The following SLC25A43 variants were observed in gnomAD, a reference collection of about 807,000 sequenced individuals.
SLC25A43 encodes the protein solute carrier family 25 member 43, also known as solute carrier family 25, member 43.
A neutral mutation model predicts 22.8 loss-of-function variants in SLC25A43; 10 were observed. The ratio of observed to expected loss-of-function variants is 0.44; its 90% CI spans 0.27 to 0.74. The LOEUF (loss-of-function observed/expected upper bound fraction) is 0.74. Among genes scored for constraint, SLC25A43 ranks in the 30% least tolerant of loss-of-function variants. The pLI, the probability that SLC25A43 is intolerant of heterozygous loss-of-function variation, is 0.17. For missense variants in SLC25A43, 233 were observed against 279.1 expected, an observed-to-expected ratio of 0.83 and a Z score of 1.18; for synonymous variants, 106 against 121.6, an observed-to-expected ratio of 0.87 and a Z score of 0.84.
intron 3 of SLC25A43, among the ~76,000 whole-genome samples, chrX:119,424,748 A>T (rs1263273565): frequency 8.8e-6 from 1 of 113,130 alleles, no homozygotes; most frequent in Non-Finnish European, 1.9e-5. Context: ...TGTATTTCTC[A>T]CCGTTCTGGA....
At chrX:119,432,814 AAG>A (rs2052565261) in intron 3 of SLC25A43, among the ~76,000 whole-genome samples, 1 of 106,117 alleles carries the variant, frequency 9.4e-6, no homozygotes, top group African/African-American at 3.5e-5. Flanking sequence ...AACTTTTTAA[AAG>A]AGGTAAAGTT....
intron 3 of SLC25A43, chrX:119,426,314 C>A: frequency 1.6e-6 from 1 of 635,773 alleles, no homozygotes; most frequent in Non-Finnish European, 1.9e-6. Flanking sequence ...GTGTACACCA[C>A]ATAACCCATC....
intron 1 of SLC25A43, among the ~76,000 whole-genome samples, chrX:119,402,169 G>C (rs6645563): frequency 0.024 from 2,722 of 111,663 alleles, 75 homozygotes; most frequent in African/African-American, 0.079. Flanking sequence ...TTGGCTGGGG[G>C]CCTGTGATCA....
intron 3 of SLC25A43, among the ~76,000 whole-genome samples, chrX:119,430,148 T>C (rs1354536217): frequency 8.9e-6 from 1 of 111,864 alleles, no homozygotes; most frequent in Non-Finnish European, 1.9e-5. Flanking sequence ...ACAAGCTGCG[T>C]GACATGTTTC....
At chrX:119,406,002 A>G (rs1409362189) in intron 1 of SLC25A43, among the ~76,000 whole-genome samples, 1 of 111,528 alleles carries the variant, frequency 9.0e-6, no homozygotes, top group Non-Finnish European at 1.9e-5. Flanking sequence ...ACTGCACTCC[A>G]GCCTGGCCAA....
intron 3 of SLC25A43, among the ~76,000 whole-genome samples, chrX:119,427,096 C>G (rs2052512991): frequency 9.0e-6 from 1 of 110,985 alleles, no homozygotes; most frequent in Non-Finnish European, 1.9e-5. Context: ...CCTCCCCACC[C>G]TATCTCACCC....
intron 1 of SLC25A43, among the ~76,000 whole-genome samples, chrX:119,401,066 T>G (rs755967659): frequency 9.0e-6 from 1 of 111,398 alleles, no homozygotes; most frequent in Non-Finnish European, 1.9e-5. Context: ...TATATGCACA[T>G]TAGATTTTTT....
In SLC25A43 at chrX:119,452,092, G is replaced by A. The variant is rs1426434305; in HGVS notation, c.774G>A (p.Lys258=). 8.3e-7 allele frequency: 1 copy of A among 1,208,555 alleles called. No individual in the cohort carries two copies. The highest frequency in any genetic ancestry group is 1.1e-6 in the Non-Finnish European group (1 of 894,147). ...TGGACTGCTTCCGGCAGATAGTGAA[G>A]GCCCAGGGGGTCCTGGGGCTCTGGA... is the stretch of plus-strand genomic sequence containing the variant. The part of the protein sequence containing the change: ...GAVDCFRQIV[K]AQGVLGLWNG... Residue 258 remains lysine, a synonymous_variant, in exon 4 of 5, where the codon AAG becomes AAA. Coordinates refer to ENST00000217909, the MANE Select transcript of SLC25A43 (RefSeq NM_145305.3).
In SLC25A43 at chrX:119,449,427, AAAG is replaced by A. The variant is rs1313946298; in HGVS notation, c.691-2573_691-2571del. Among the ~76,000 whole-genome samples the A allele has an allele frequency of 7.5e-5, 8 of 107,185 alleles. No homozygotes were observed. The East Asian group carries it at 2.3e-3, about 31-fold the overall frequency. The allele number at this position is 107,185 out of a possible 115,157, so 93.1% of individuals were successfully genotyped here. A position where few individuals can be genotyped will look rare whatever the true frequency, so the allele number is the denominator to read the frequency against. The stretch of plus-strand genomic sequence containing the variant: ...AGACTCTGTCTCAAAAAAAAAAAAA[AAAG>A]AAGAAGAATGAATTGGAGGCTGGGT... On this transcript the variant is annotated intron_variant, in intron 3 of 4. Transcript: ENST00000217909.
At chrX:119,421,027 G>A (rs1476691155) in intron 3 of SLC25A43, among the ~76,000 whole-genome samples, 1 of 105,957 alleles carries the variant, frequency 9.4e-6, no homozygotes, top group Non-Finnish European at 1.9e-5. Context: ...CGGGAGGATC[G>A]CTTGAACCTA....
chrX:119,410,329 C>T lies in SLC25A43; in HGVS notation c.657C>T (p.Ser219=). The T allele has an allele frequency of 8.3e-7, 1 of 1,211,482 alleles. No homozygotes were observed. Among genetic ancestry groups the T allele is most frequent in the South Asian group, 1.8e-5 (1 of 56,903 alleles). ...CTGCTGCAGTGACCCAGACCCTCTC[C>T]TTTCCCTTTGAGACCGTGAAGAGAA... The part of the protein sequence containing the change: ...CLAAAVTQTL[S]FPFETVKRKM... Residue 219 remains serine (S), a synonymous_variant, in exon 3 of 5, where the codon TCC becomes TCT. Transcript: ENST00000217909.
intron 3 of SLC25A43, among the ~76,000 whole-genome samples, chrX:119,421,452 T>C (rs948083323): frequency 8.9e-6 from 1 of 112,216 alleles, no homozygotes. Context: ...CTCTGCTCTA[T>C]TCAAGCCTCC....
At chrX:119,427,951 C>T (rs60720499) in intron 3 of SLC25A43, among the ~76,000 whole-genome samples, 6,337 of 111,932 alleles carry the variant, frequency 0.057, 170 homozygotes, top group South Asian at 0.11. Context: ...AAAGGTGCAA[C>T]GAGTATATGC....
rs1185467960 is a variant in SLC25A43, at chrX:119,399,384, C to T, written c.-20C>T. On this transcript the variant is annotated 5_prime_UTR_variant, in exon 1 of 5. Transcript: ENST00000217909. Reference sequence around the variant, plus strand: ...CCCAGGCCCGAGCCACGCGGTCTTCCGGGCCCGGGTCGGGGCTCGATGGCT... The same window carrying T: ...CCCAGGCCCGAGCCACGCGGTCTTCTGGGCCCGGGTCGGGGCTCGATGGCT... 27 of 977,708 alleles carry T rather than the reference C, an allele frequency of 2.8e-5. No individual in the cohort carries two copies. The highest frequency in any genetic ancestry group is 1.4e-4 in the African/African-American group (7 of 48,779). 80.6% of individuals were successfully genotyped at this position (977,708 alleles called of 1,213,427 possible). A position where few individuals can be genotyped will look rare whatever the true frequency, so the allele number is the denominator to read the frequency against.
At chrX:119,426,861 T>C (rs1395053952) in intron 3 of SLC25A43, among the ~76,000 whole-genome samples, 1 of 109,128 alleles carries the variant, frequency 9.2e-6, no homozygotes, top group Non-Finnish European at 1.9e-5. Flanking sequence ...ATGTTTCCTA[T>C]GATTACTATA....
At chrX:119,441,493 C>T (rs1239267706) in intron 3 of SLC25A43, among the ~76,000 whole-genome samples, 2 of 111,209 alleles carry the variant, frequency 1.8e-5, no homozygotes, top group African/African-American at 6.5e-5. Flanking sequence ...TGGCTCCTCC[C>T]GCTTTGTTTT....
At chrX:119,429,089 G>A (rs1250604744) in intron 3 of SLC25A43, among the ~76,000 whole-genome samples, 1 of 103,380 alleles carries the variant, frequency 9.7e-6, no homozygotes, top group Non-Finnish European at 2.0e-5. Flanking sequence ...TTGAGATGGA[G>A]TCGCCAGGCT....
At chrX:119,413,194 GA>G (rs1284296800) in intron 3 of SLC25A43, among the ~76,000 whole-genome samples, 1 of 109,881 alleles carries the variant, frequency 9.1e-6, no homozygotes, top group African/African-American at 3.3e-5. Flanking sequence ...TGACCACAAT[GA>G]AAAAAAAGTA....
intron 2 of SLC25A43, 54 bp downstream of exon 2, chrX:119,406,755 C>T: frequency 8.6e-7 from 1 of 1,166,365 alleles, no homozygotes; most frequent in Middle Eastern, 2.6e-4. Flanking sequence ...TCTGAAATTA[C>T]AAATGTATTG....
Sources: gnomAD v4.1 joint callset for allele counts (sites outside exome capture counted in the v4.1 genomes callset) on GRCh38, gnomAD v4.1.1 for gene constraint, MANE v1.5 for transcripts, NCBI Gene and HGNC (gene_info 2026-07-23, HGNC 2026-07-21) for gene names.